PC: variants seen among roughly 807,000 people sequenced by gnomAD.
PC encodes the protein pyruvate carboxylase, mitochondrial.
Under a neutral mutation model 107.8 loss-of-function variants are expected in PC, and 46 were observed. The observed-to-expected ratio is 0.43, with a 90% confidence interval of 0.34 to 0.55. PC has a LOEUF of 0.55. PC is among the 20% of genes least tolerant of loss of function. The pLI is 0.04. For synonymous variants in PC, 662 were observed against 684.7 expected, an observed-to-expected ratio of 0.97 and a Z score of 0.52; for missense variants, 1,241 against 1,643.1, an observed-to-expected ratio of 0.76 and a Z score of 4.23.
intron 3 of PC, among the ~76,000 whole-genome samples, chr11:66,946,072 G>A (rs151302021): frequency 0.02 from 2,697 of 132,656 alleles, 63 homozygotes; most frequent in East Asian, 0.099. Context: ...CGGCCTGGGC[G>A]ACAGAGCGAG....
intron 12 of PC, among the ~76,000 whole-genome samples, chr11:66,853,798 C>T (rs1265280730): frequency 2.6e-5 from 4 of 152,250 alleles, no homozygotes; most frequent in African/African-American, 9.6e-5. Context: ...GTCCAGCGGG[C>T]ATGCTCCCGC....
intron 3 of PC, among the ~76,000 whole-genome samples, chr11:66,892,565 C>T (rs1037180861): frequency 3.9e-5 from 6 of 152,160 alleles, no homozygotes; most frequent in African/African-American, 1.2e-4. Flanking sequence ...AGAAAAATGT[C>T]GCCGGGCGCG....
rs748787183 is a variant in PC at position 66,850,414 on chromosome 11, G to A, written c.2524C>T (p.Arg842Trp). 1.2e-6 allele frequency: 2 copies of A among 1,613,966 alleles called. No homozygotes were observed. Among genetic ancestry groups the A allele is most frequent in the South Asian group, 1.1e-5 (1 of 91,082 alleles). The change falls in exon 19 of 23, where the codon CGG becomes TGG. Residue 842 changes from arginine to tryptophan, a missense_variant. This residue lies in a region of PC where 1,143 missense variants were observed against 1,551.9 expected (regional missense o/e 0.74). Transcript: ENST00000393960. ...CAGTCGAAGGCCGCGTACAGTCCCCGAGCCCCCTCCCAGTACTCACTGTAG... is the reference window on the plus strand; with the variant it reads ...CAGTCGAAGGCCGCGTACAGTCCCCAAGCCCCCTCCCAGTACTCACTGTAG... ...FDYSEYWEGA[R>W]GLYAAFDCTA...
In PC at chr11:66,858,400, A is replaced by G. The variant is rs1422066728; in HGVS notation, c.1369-5017T>C. 3 of 1,561,102 alleles carry G rather than the reference A, an allele frequency of 1.9e-6. No individual in the cohort carries two copies. Among genetic ancestry groups the G allele is most frequent in the Non-Finnish European group, 2.6e-6 (3 of 1,158,946 alleles). ...GACCCGCTTTTCTCTCGTGGGCGTGATGCAGAGGCCTCTCCCGCCCCCCTG... is the reference window on the plus strand; with the variant it reads ...GACCCGCTTTTCTCTCGTGGGCGTGGTGCAGAGGCCTCTCCCGCCCCCCTG... On this transcript the variant is annotated intron_variant, in intron 12 of 22. Coordinates refer to ENST00000393960, the MANE Select transcript of PC (RefSeq NM_001040716.2). This position sits in a 1 kb window ranked among gnomAD's most constrained non-coding sequence, Gnocchi z 5.9.
rs1369680609 is a variant in PC at position 66,849,243 on chromosome 11, G to A, written c.3275C>T (p.Thr1092Ile). Residue 1092 changes from threonine (T) to isoleucine (I), a missense_variant, in exon 22 of 23, where the codon ACC becomes ATC. Thr to Ile is a moderately conservative substitution (Grantham distance 89). Coordinates refer to ENST00000393960, the MANE Select transcript of PC (RefSeq NM_001040716.2). Reference protein sequence around the residue: ...GQLRSILVKDTQAMKEMHFHP... With the variant: ...GQLRSILVKDIQAMKEMHFHP... ...GGGAGACAATACCTTCATGGCCTGG[G>A]TGTCCTTGACCAAGATGGACCGCAG... 1 of 1,613,722 alleles carries A rather than the reference G, an allele frequency of 6.2e-7. No individual in the cohort carries two copies. The highest frequency in any genetic ancestry group is 2.2e-5 in the East Asian group (1 of 44,882).
At chr11:66,865,251 A>T (rs1371237262) in intron 11 of PC, among the ~76,000 whole-genome samples, 1 of 151,632 alleles carries the variant, frequency 6.6e-6, no homozygotes. Flanking sequence ...CTTGTCTCAG[A>T]AGCCCAGAGC....
chr11:66,920,952 T>G (rs1321618868), intron 3 of PC, among the ~76,000 whole-genome samples: 1 of 150,688 alleles, frequency 6.6e-6, no homozygotes, highest in African/African-American at 2.5e-5. Context: ...ACAGGAGAAT[T>G]GCTTAAACCC....
intron 3 of PC, among the ~76,000 whole-genome samples, chr11:66,887,274 C>T (rs1338485924): frequency 1.3e-5 from 2 of 152,088 alleles, no homozygotes; most frequent in African/African-American, 4.8e-5. Flanking sequence ...TGTGAACGGT[C>T]AGCGAACCAC....
At chr11:66,930,831 A>G (rs1948828206) in intron 3 of PC, among the ~76,000 whole-genome samples, 2 of 151,942 alleles carry the variant, frequency 1.3e-5, no homozygotes, top group South Asian at 4.2e-4. Flanking sequence ...CTTCTTGGCA[A>G]CAGGGCAACA....
At chr11:66,930,504 G>A (rs1190805164) in intron 3 of PC, among the ~76,000 whole-genome samples, 5 of 152,202 alleles carry the variant, frequency 3.3e-5, no homozygotes, top group African/African-American at 7.2e-5. Context: ...CACTTTGGGA[G>A]CCTGAGGCAG....
intron 3 of PC, among the ~76,000 whole-genome samples, chr11:66,902,757 C>T (rs1398815839): frequency 6.6e-6 from 1 of 152,202 alleles, no homozygotes; most frequent in South Asian, 2.1e-4. Context: ...CCTGTGTGTC[C>T]CCCAAACTCT....
intron 21 of PC, 62 bp from the exon 22 acceptor site, chr11:66,849,432 C>T: frequency 6.2e-7 from 1 of 1,608,720 alleles, no homozygotes; most frequent in African/African-American, 1.3e-5. Context: ...TCCCCCGGCC[C>T]TGGCCATAGG....
intron 12 of PC, among the ~76,000 whole-genome samples, chr11:66,853,872 C>A (rs1002462556): frequency 1.3e-5 from 2 of 152,252 alleles, no homozygotes; most frequent in African/African-American, 4.8e-5. Context: ...TCCCCAGCTC[C>A]TCACACACCA....
In PC at chr11:66,859,086, A is replaced by G. The variant is rs144355365; in HGVS notation, c.1368+4688T>C. The stretch of plus-strand genomic sequence containing the variant: ...CAACAGCAGCGAAGATGAGACCCTC[A>G]TCTACCGGTGAGGATGCGTGCCCCA... On this transcript the variant is annotated intron_variant, in intron 12 of 22. Transcript: ENST00000393960. The G allele has an allele frequency of 9.4e-6, 14 of 1,486,892 alleles. No homozygotes were observed. The highest frequency in any genetic ancestry group is 7.2e-5 in the African/African-American group (5 of 69,902). The allele number at this position is 1,486,892 out of a possible 1,614,324, so 92.1% of individuals were successfully genotyped here.
chr11:66,861,638 C>T (rs1486989919), intron 12 of PC, among the ~76,000 whole-genome samples: 11 of 57,080 alleles, frequency 1.9e-4, no homozygotes, highest in Admixed American at 6.9e-4. Flanking sequence ...GGCGGGGGCG[C>T]GGGACAGGGT....
intron 11 of PC, 125 bp from the exon 12 acceptor site, chr11:66,864,081 G>C (rs1946391739): frequency 2.1e-6 from 2 of 930,786 alleles, no homozygotes; most frequent in East Asian, 2.5e-5. Context: ...GTGTCTGCAG[G>C]TGAATCCCAG....
In PC at chr11:66,864,023, G is replaced by A. The variant is rs936522755; in HGVS notation, c.1186-67C>T. 12 of 1,536,360 alleles carry A rather than the reference G, an allele frequency of 7.8e-6. No individual in the cohort carries two copies. The East Asian group carries it at 1.6e-4, about 20-fold the overall frequency. ...CGGTCAAAAGTGCCCCACCCACCCC[G>A]AGGCTGGCCAGGTGTGCACCCAGCA... On this transcript the variant is annotated intron_variant, in intron 11 of 22. Coordinates refer to ENST00000393960, the MANE Select transcript of PC (RefSeq NM_001040716.2).
At chr11:66,884,803 G>C (rs1947303428) in intron 3 of PC, among the ~76,000 whole-genome samples, 1 of 152,220 alleles carries the variant, frequency 6.6e-6, no homozygotes. Context: ...ATGGGAACCA[G>C]GGAAGCTGAG....
chr11:66,886,775 G>A (rs1245455103), intron 3 of PC, among the ~76,000 whole-genome samples: 5 of 152,242 alleles, frequency 3.3e-5, no homozygotes, highest in East Asian at 1.9e-4. Flanking sequence ...AAGAGTATCC[G>A]GCTGGAAAGA....
Sources: allele counts gnomAD v4.1 joint callset (sites outside exome capture counted in the v4.1 genomes callset), GRCh38; gene constraint gnomAD v4.1.1; regional missense constraint gnomAD v4.1.1; non-coding constraint Gnocchi (gnomAD v3.1); transcripts MANE v1.5; gene names NCBI Gene and HGNC (gene_info 2026-07-23, HGNC 2026-07-21).